Variants in GRIP1 observed in about 807,000 individuals in gnomAD.
The protein encoded by GRIP1 is glutamate receptor interacting protein 1.
In GRIP1, 45 loss-of-function variants were observed where a neutral mutation model predicts 129.9. The observed-to-expected ratio is 0.35, with a 90% confidence interval of 0.27 to 0.44. GRIP1 has a LOEUF of 0.44. Ranked by LOEUF, GRIP1 falls within the 20% of genes least tolerant of loss-of-function variation. The pLI is 1.00. For missense variants in GRIP1, 1,196 were observed against 1,396.8 expected, an observed-to-expected ratio of 0.86 and a Z score of 2.29; for synonymous variants, 530 against 520.8, an observed-to-expected ratio of 1.02 and a Z score of -0.24.
chr12:66,407,274 A>T (rs1469119360), intron 15 of GRIP1: 1 of 152,056 alleles, frequency 6.6e-6, no homozygotes, highest in Non-Finnish European at 1.5e-5. Context: ...AACAGGAGGG[A>T]GGCGGAGCAA....
chr12:66,535,361 TA>T (rs72386203), intron 4 of GRIP1, among the ~76,000 whole-genome samples: 4,055 of 146,598 alleles, frequency 0.028, 152 homozygotes, highest in African/African-American at 0.091. Context: ...CATTTAAAGT[TA>T]AAAAAAAAAA....
At chr12:67,049,540 T>G (rs565512113) in intron 1 of GRIP1, among the ~76,000 whole-genome samples, 2 of 152,172 alleles carry the variant, frequency 1.3e-5, no homozygotes, top group South Asian at 4.1e-4. Context: ...GGAGGGGAAC[T>G]TCACACACCA....
chr12:66,675,198 A>G (rs2034269265), intron 1 of GRIP1, among the ~76,000 whole-genome samples: 1 of 152,114 alleles, frequency 6.6e-6, no homozygotes, highest in African/African-American at 2.4e-5. Flanking sequence ...ACAGAGAGAG[A>G]GGGTGGGTGG....
chr12:66,893,389 A>G (rs940763097), intron 1 of GRIP1, among the ~76,000 whole-genome samples: 2 of 152,054 alleles, frequency 1.3e-5, no homozygotes, highest in Admixed American at 1.3e-4. Flanking sequence ...ACAGGTATAC[A>G]CCACCACACC....
At chr12:66,963,062 G>A (rs948195525) in intron 1 of GRIP1, among the ~76,000 whole-genome samples, 1 of 152,200 alleles carries the variant, frequency 6.6e-6, no homozygotes, top group African/African-American at 2.4e-5. Flanking sequence ...TGTAATCCTA[G>A]CACTTTGGGA....
chr12:66,349,315 T>G, intron 24 of GRIP1, 69 bp from the exon 25 acceptor site: 1 of 1,267,648 alleles, frequency 7.9e-7, no homozygotes, highest in Non-Finnish European at 1.2e-6. Flanking sequence ...GGAGTAACAT[T>G]TCAGGTGCAA....
intron 5 of GRIP1, among the ~76,000 whole-genome samples, chr12:66,524,741 G>T (rs1008823721): frequency 1.3e-5 from 2 of 152,164 alleles, no homozygotes; most frequent in Non-Finnish European, 2.9e-5. Context: ...GAATCCAGGA[G>T]CTGGTTTTTT....
At chr12:66,740,130 G>A (rs2036741382) in intron 1 of GRIP1, among the ~76,000 whole-genome samples, 1 of 152,192 alleles carries the variant, frequency 6.6e-6, no homozygotes, top group Non-Finnish European at 1.5e-5. Flanking sequence ...CCTGGTGACT[G>A]GGTGTGGTCT....
At chr12:66,386,052 T>G (rs1014933429) in intron 19 of GRIP1, among the ~76,000 whole-genome samples, 1 of 152,264 alleles carries the variant, frequency 6.6e-6, no homozygotes, top group African/African-American at 2.4e-5. Context: ...ATGTTTAGTT[T>G]TATTTATTTG....
At chr12:66,733,489 A>G (rs896940128) in intron 1 of GRIP1, among the ~76,000 whole-genome samples, 1 of 152,100 alleles carries the variant, frequency 6.6e-6, no homozygotes, top group Non-Finnish European at 1.5e-5. Flanking sequence ...TTCTTCCTCC[A>G]TGGAACTTGG....
chr12:66,764,664 G>A (rs547361524), intron 1 of GRIP1, among the ~76,000 whole-genome samples: 2 of 152,234 alleles, frequency 1.3e-5, no homozygotes, highest in East Asian at 1.9e-4. Flanking sequence ...TCAGTTATTT[G>A]TAAGGACAAG....
chr12:66,945,548 A>G (rs1225101555), intron 1 of GRIP1, among the ~76,000 whole-genome samples: 3 of 152,136 alleles, frequency 2.0e-5, no homozygotes, highest in Non-Finnish European at 4.4e-5. Flanking sequence ...GCAAAGGCAA[A>G]AGCAGAAGCA....
At chr12:66,810,008 A>G (rs914082254) in intron 1 of GRIP1, among the ~76,000 whole-genome samples, 1 of 152,186 alleles carries the variant, frequency 6.6e-6, no homozygotes, top group Non-Finnish European at 1.5e-5. Context: ...ACATATTTCA[A>G]ATAAATGGAT....
chr12:66,985,171 T>C (rs115856881), intron 1 of GRIP1, among the ~76,000 whole-genome samples: 91 of 152,294 alleles, frequency 6.0e-4, no homozygotes, highest in African/African-American at 2.1e-3. Flanking sequence ...TTTTTATGAC[T>C]TAGCTTTAGA....
intron 1 of GRIP1, among the ~76,000 whole-genome samples, chr12:66,964,039 C>T (rs1352968537): frequency 2.0e-5 from 3 of 151,976 alleles, no homozygotes; most frequent in South Asian, 4.2e-4. Context: ...GTAACTCACC[C>T]GTTAGCTGAG....
At chr12:66,915,589 C>T (rs1398308323) in intron 1 of GRIP1, among the ~76,000 whole-genome samples, 1 of 152,196 alleles carries the variant, frequency 6.6e-6, no homozygotes, top group African/African-American at 2.4e-5. Context: ...CTGTCATCAG[C>T]CACTGCAAAT....
rs112048328 is a variant in GRIP1 at position 66,401,948 on chromosome 12, C to T, written c.1984+4335G>A. The stretch of plus-strand genomic sequence containing the variant: ...GGGCCTCATTCCTGTTTTAAGTCCT[C>T]TAATGGCCCCCCATTGGTTTCTGGG... On this transcript the variant is annotated intron_variant, in intron 16 of 24. Coordinates refer to ENST00000359742, the MANE Select transcript of GRIP1 (RefSeq NM_001366722.1). Among the ~76,000 whole-genome samples, 363 of 152,298 alleles carry T rather than the reference C, an allele frequency of 2.4e-3. 1 individual carries two copies. The highest frequency in any genetic ancestry group is 7.7e-3 in the African/African-American group (320 of 41,574).
chr12:66,444,648 A>C lies in GRIP1; in HGVS notation c.1623T>G (p.Ser541Arg). The change falls in exon 13 of 25, where the codon AGT becomes AGG. Residue 541 changes from serine (S) to arginine (R), a missense_variant. Transcript: ENST00000359742. ...PTEDSTFEEA[S>R]QLLRDSSITS... ...TGATTGAAGAGTCTCGGAGGAGCTG[A>C]CTGGCTTCTTCGAAGGTGCTGTCTT... 6.2e-7 allele frequency: 1 copy of C among 1,613,992 alleles called. No homozygotes were observed. The highest frequency in any genetic ancestry group is 8.5e-7 in the Non-Finnish European group (1 of 1,179,908).
At chr12:66,777,667 GTTGAA>G (rs2038024616) in intron 1 of GRIP1, among the ~76,000 whole-genome samples, 1 of 152,148 alleles carries the variant, frequency 6.6e-6, no homozygotes, top group Admixed American at 6.5e-5. Context: ...ATAAGCATTT[GTTGAA>G]TTGAATGGAC....
Sources: allele counts gnomAD v4.1 joint callset (sites outside exome capture counted in the v4.1 genomes callset), GRCh38; gene constraint gnomAD v4.1.1; transcripts MANE v1.5; gene names NCBI Gene and HGNC (gene_info 2026-07-23, HGNC 2026-07-21).